DSCAM: variants seen among roughly 807,000 people sequenced by gnomAD.
DSCAM encodes DS cell adhesion molecule.
A neutral mutation model predicts 217.7 loss-of-function variants in DSCAM; 47 were observed. The ratio of observed to expected loss-of-function variants is 0.22; its 90% CI spans 0.17 to 0.28. The LOEUF is 0.28. Ranked by LOEUF, DSCAM falls within the 10% of genes least tolerant of loss-of-function variation. DSCAM has a pLI of 1.00. For synonymous variants in DSCAM, 1,056 were observed against 1,015.3 expected, an observed-to-expected ratio of 1.04 and a Z score of -0.76; for missense variants, 2,080 against 2,618.3, an observed-to-expected ratio of 0.79 and a Z score of 4.49.
intron 14 of DSCAM, among the ~76,000 whole-genome samples, chr21:40,179,321 G>A (rs1298737235): frequency 2.0e-5 from 3 of 151,328 alleles, no homozygotes; most frequent in Admixed American, 6.6e-5. Context: ...CATTATTCAC[G>A]CTGCGAGGGA....
At chr21:40,682,655 AAGGGAGCGGAGGGGGAGGGGAGGGGAGGG>A in intron 3 of DSCAM, among the ~76,000 whole-genome samples, 5 of 48,448 alleles carry the variant, frequency 1.0e-4, no homozygotes, top group Admixed American at 2.9e-4. Flanking sequence ...AAGGGAAGGG[AAGGGAGCGGAGGGGGAGGGGAGGGGAGGG>A]GAAGGGAGCG....
chr21:40,423,411 G>A (rs1245363873), intron 3 of DSCAM, among the ~76,000 whole-genome samples: 1 of 152,138 alleles, frequency 6.6e-6, no homozygotes, highest in Non-Finnish European at 1.5e-5. Context: ...AACACACTGC[G>A]CATGCTCACC....
At chr21:40,681,892 C>T (rs111991795) in intron 3 of DSCAM, among the ~76,000 whole-genome samples, 1 of 152,128 alleles carries the variant, frequency 6.6e-6, no homozygotes, top group Non-Finnish European at 1.5e-5. Context: ...AGCCAAGGAC[C>T]GCAGGCAACA....
At chr21:40,427,141 G>C (rs1488307811) in intron 3 of DSCAM, among the ~76,000 whole-genome samples, 2 of 152,186 alleles carry the variant, frequency 1.3e-5, no homozygotes, top group Non-Finnish European at 2.9e-5. Flanking sequence ...CAGGAGAGGG[G>C]CCTAGGTGGC....
intron 32 of DSCAM, among the ~76,000 whole-genome samples, chr21:40,039,329 A>G (rs1179794363): frequency 6.6e-6 from 1 of 152,152 alleles, no homozygotes; most frequent in Non-Finnish European, 1.5e-5. Context: ...AAGAATGGAA[A>G]ATAAGTCACT....
intron 6 of DSCAM, among the ~76,000 whole-genome samples, chr21:40,343,137 G>A (rs1239059424): frequency 6.6e-6 from 1 of 151,990 alleles, no homozygotes; most frequent in South Asian, 2.1e-4. Context: ...AAATAAAATT[G>A]CATTTTGTGT....
At chr21:40,530,206 C>T (rs1052714362) in intron 3 of DSCAM, among the ~76,000 whole-genome samples, 1 of 152,162 alleles carries the variant, frequency 6.6e-6, no homozygotes, top group Non-Finnish European at 1.5e-5. Context: ...ACCATTGACT[C>T]CTCCTGATTT....
chr21:40,536,214 C>T lies in DSCAM; in HGVS notation c.508+156596G>A, dbSNP rs141366625. ...TGATTTCCTGTGATGCCGACTGGGA[C>T]ACTGTTAAGGGTTGAGTTGTGACCC... is the stretch of plus-strand genomic sequence containing the variant. On this transcript the variant is annotated intron_variant, in intron 3 of 32. Transcript: ENST00000400454. Among the ~76,000 whole-genome samples the T allele has an allele frequency of 4.3e-4, 66 of 152,252 alleles. No individual in the cohort carries two copies. The East Asian group carries it at 0.01, about 24-fold the overall frequency.
chr21:40,633,332 C>T (rs1198964031), intron 3 of DSCAM, among the ~76,000 whole-genome samples: 4 of 152,172 alleles, frequency 2.6e-5, no homozygotes, highest in African/African-American at 4.8e-5. Context: ...AAGGCGGTGA[C>T]TTCACAAGAT....
intron 20 of DSCAM, 76 bp from the exon 21 acceptor site, chr21:40,093,950 TG>T: frequency 1.4e-6 from 2 of 1,467,866 alleles, no homozygotes; most frequent in Non-Finnish European, 1.9e-6. Context: ...GGAATGGTCA[TG>T]AACATATTAA....
chr21:40,442,370 AG>A (rs151228301), intron 3 of DSCAM, among the ~76,000 whole-genome samples: 2,079 of 151,644 alleles, frequency 0.014, 18 homozygotes, highest in Non-Finnish European at 0.019. Context: ...AAAATTTACT[AG>A]TTTTTTAAAT....
At chr21:40,615,932 T>A (rs58991183) in intron 3 of DSCAM, among the ~76,000 whole-genome samples, 55 of 152,238 alleles carry the variant, frequency 3.6e-4, no homozygotes, top group African/African-American at 1.3e-3. Flanking sequence ...GTGGCTGTCA[T>A]GAAGTCTTCA....
chr21:40,526,194 C>A (rs1403796049), intron 3 of DSCAM, among the ~76,000 whole-genome samples: 2 of 152,168 alleles, frequency 1.3e-5, no homozygotes, highest in African/African-American at 4.8e-5. Context: ...GAGCTGGCCC[C>A]CAGAGGCAGA....
intron 16 of DSCAM, among the ~76,000 whole-genome samples, chr21:40,164,645 C>T (rs1273929247): frequency 2.0e-5 from 3 of 151,776 alleles, no homozygotes; most frequent in African/African-American, 7.3e-5. Flanking sequence ...ATTAAAAATA[C>T]AAAAAAAGTA....
chr21:40,512,389 T>A (rs548079050), intron 3 of DSCAM, among the ~76,000 whole-genome samples: 1 of 152,302 alleles, frequency 6.6e-6, no homozygotes, highest in East Asian at 1.9e-4. Flanking sequence ...CTTATCTCTA[T>A]TACTTCACGT....
At chr21:40,234,982 C>G (rs1356695030) in intron 11 of DSCAM, among the ~76,000 whole-genome samples, 1 of 152,162 alleles carries the variant, frequency 6.6e-6, no homozygotes, top group Non-Finnish European at 1.5e-5. Flanking sequence ...TAATAAAAAT[C>G]ACTATCACTA....
In DSCAM at chr21:40,312,203, T is replaced by C; in HGVS notation, c.1940A>G (p.Asn647Ser). The C allele has an allele frequency of 6.2e-7, 1 of 1,614,036 alleles. No homozygotes were observed. The highest frequency in any genetic ancestry group is 8.5e-7 in the Non-Finnish European group (1 of 1,179,992). ...IPGSLGVTID[N>S]IDFTSSLRIS... is the part of the protein sequence containing the mutation. ...CCTCAAGGAGCTCGTGAAGTCAATA[T>C]TGTCAATGGTCACCCCAAGGCTCCC... Residue 647 changes from asparagine to serine, a missense_variant, in exon 9 of 33, where the codon AAT becomes AGT. Physicochemically the swap from Asn to Ser is conservative, Grantham distance 46 (BLOSUM62 1). Around this residue, in one of 5 missense-constraint regions of DSCAM, gnomAD observed 218 missense variants for 364.1 expected, o/e 0.60. Coordinates refer to ENST00000400454, the MANE Select transcript of DSCAM (RefSeq NM_001389.5).
chr21:40,292,369 C>T (rs8132571), intron 10 of DSCAM, among the ~76,000 whole-genome samples: 48,760 of 151,702 alleles, frequency 0.32, 8,139 homozygotes, highest in South Asian at 0.36. Context: ...TGCACTTCAG[C>T]TCTTAGTGAT....
chr21:40,025,380 C>T (rs914121235), intron 32 of DSCAM, among the ~76,000 whole-genome samples: 2 of 142,452 alleles, frequency 1.4e-5, no homozygotes, highest in Non-Finnish European at 3.0e-5. Flanking sequence ...ATGATGCTGG[C>T]CTCATAAAAT....
Sources: allele counts gnomAD v4.1 joint callset (sites outside exome capture counted in the v4.1 genomes callset), GRCh38; gene constraint gnomAD v4.1.1; regional missense constraint gnomAD v4.1.1; transcripts MANE v1.5; gene names NCBI Gene and HGNC (gene_info 2026-07-23, HGNC 2026-07-21).